Variants in NRG3 observed in about 807,000 individuals in gnomAD.
NRG3 encodes the protein pro-neuregulin-3, membrane-bound isoform.
In NRG3, 31 loss-of-function variants were observed where a neutral mutation model predicts 66.9. The ratio of observed to expected loss-of-function variants is 0.46; its 90% CI spans 0.35 to 0.63. The LOEUF (loss-of-function observed/expected upper bound fraction) is 0.63. Among genes scored for constraint, NRG3 ranks in the 20% least tolerant of loss-of-function variants. NRG3 has a pLI of 0.00. For missense variants in NRG3, 910 were observed against 878.9 expected (o/e 1.04, Z -0.45); for synonymous variants, 393 against 359.4 (o/e 1.09, Z -1.06).
At chr10:82,267,651 C>T (rs565269528) in intron 1 of NRG3, among the ~76,000 whole-genome samples, 18 of 152,286 alleles carry the variant, frequency 1.2e-4, no homozygotes, top group Admixed American at 1.1e-3. Flanking sequence ...AGAAATAAAC[C>T]ACAATTTGCT....
At chr10:82,858,746 T>G (rs1020720217) in intron 3 of NRG3, among the ~76,000 whole-genome samples, 1 of 152,140 alleles carries the variant, frequency 6.6e-6, no homozygotes, top group Non-Finnish European at 1.5e-5. Flanking sequence ...TGCTCCACAT[T>G]CCTATGGCAA....
At chr10:82,513,694 C>A (rs1222894632) in intron 2 of NRG3, among the ~76,000 whole-genome samples, 4 of 152,190 alleles carry the variant, frequency 2.6e-5, no homozygotes, top group Non-Finnish European at 5.9e-5. Flanking sequence ...GCAGGAGAAT[C>A]ACTTGAACCC....
At chr10:82,641,010 G>A (rs1485872565) in intron 2 of NRG3, among the ~76,000 whole-genome samples, 1 of 15,752 alleles carries the variant, frequency 6.3e-5, no homozygotes, top group Non-Finnish European at 1.3e-4. Context: ...TCAGTCTGTC[G>A]TTTTTTTTTT....
At chr10:82,176,779 G>A (rs1161785645) in intron 1 of NRG3, among the ~76,000 whole-genome samples, 2 of 151,938 alleles carry the variant, frequency 1.3e-5, no homozygotes, top group African/African-American at 4.8e-5. Context: ...CACAGCTGGT[G>A]GCACTGCTAC....
chr10:82,463,187 T>C (rs369343837), intron 2 of NRG3, among the ~76,000 whole-genome samples: 1 of 152,206 alleles, frequency 6.6e-6, no homozygotes, highest in African/African-American at 2.4e-5. Context: ...TTTAGACAGA[T>C]GGCAGGCGGT....
intron 2 of NRG3, among the ~76,000 whole-genome samples, chr10:82,458,180 A>G (rs1201031549): frequency 3.3e-5 from 5 of 152,090 alleles, no homozygotes; most frequent in African/African-American, 9.7e-5. Context: ...ATGATTCCCA[A>G]CCCAACCAGG....
intron 1 of NRG3, among the ~76,000 whole-genome samples, chr10:81,997,644 G>A (rs949118001): frequency 1.3e-5 from 2 of 152,056 alleles, no homozygotes; most frequent in Non-Finnish European, 1.5e-5. Flanking sequence ...GTGATAATAT[G>A]CATGTCACAG....
At chr10:82,525,274 A>G (rs1246616643) in intron 2 of NRG3, among the ~76,000 whole-genome samples, 1 of 150,858 alleles carries the variant, frequency 6.6e-6, no homozygotes, top group East Asian at 2.1e-4. Flanking sequence ...TTTACTCTGG[A>G]AAAAAAAATC....
At chr10:82,236,835 C>T (rs1188777809) in intron 1 of NRG3, among the ~76,000 whole-genome samples, 1 of 151,122 alleles carries the variant, frequency 6.6e-6, no homozygotes, top group Non-Finnish European at 1.5e-5. Context: ...CTTGCCTCAG[C>T]CTCCTGAGTA....
intron 2 of NRG3, among the ~76,000 whole-genome samples, chr10:82,491,253 T>C (rs554651272): frequency 4.2e-5 from 6 of 144,192 alleles, no homozygotes; most frequent in African/African-American, 1.6e-4. Context: ...GCCTGCCATC[T>C]TATTTTGTCC....
chr10:82,069,131 C>T (rs2064657824), intron 1 of NRG3, among the ~76,000 whole-genome samples: 1 of 152,114 alleles, frequency 6.6e-6, no homozygotes, highest in Non-Finnish European at 1.5e-5. Context: ...GTCTTCAGAA[C>T]CACAGAGCAT....
chr10:82,741,094 A>G (rs984243002), intron 3 of NRG3, among the ~76,000 whole-genome samples: 2 of 152,158 alleles, frequency 1.3e-5, no homozygotes, highest in Non-Finnish European at 2.9e-5. Flanking sequence ...AAGCATGGAG[A>G]GCCCATGGAT....
At chr10:82,108,444 A>C in intron 1 of NRG3, among the ~76,000 whole-genome samples, 1 of 152,182 alleles carries the variant, frequency 6.6e-6, no homozygotes, top group Non-Finnish European at 1.5e-5. Context: ...GAGGAGCTGG[A>C]GATAAATGGA....
chr10:82,614,254 T>A (rs2048498566), intron 2 of NRG3, among the ~76,000 whole-genome samples: 1 of 152,168 alleles, frequency 6.6e-6, no homozygotes, highest in Non-Finnish European at 1.5e-5. Context: ...GCACTCATAT[T>A]TCATGGGAGG....
Position 82,674,348 on chromosome 10 carries a change from A to C in NRG3, c.954-64229A>C, listed in dbSNP as rs186559644. Among the ~76,000 whole-genome samples, 164 of 152,290 alleles carry C rather than the reference A, an allele frequency of 1.1e-3. 1 individual carries two copies. Among genetic ancestry groups the C allele is most frequent in the Non-Finnish European group, 1.3e-3 (86 of 68,024 alleles). On this transcript the variant is annotated intron_variant, in intron 2 of 8. Coordinates refer to ENST00000372141, the MANE Select transcript of NRG3 (RefSeq NM_001010848.4). ...CATATTGCCTCATTTTTGTTCAAAAACAACAATGGCTCTCAGTTGTCAGGG... is the reference window on the plus strand; with the variant it reads ...CATATTGCCTCATTTTTGTTCAAAACCAACAATGGCTCTCAGTTGTCAGGG...
intron 1 of NRG3, among the ~76,000 whole-genome samples, chr10:81,946,361 G>A (rs1848840613): frequency 6.6e-6 from 1 of 152,130 alleles, no homozygotes; most frequent in Admixed American, 6.6e-5. Flanking sequence ...AAGTCCTGCT[G>A]TTTAAGCCAC....
At chr10:82,516,497 C>G (rs1845673966) in intron 2 of NRG3, among the ~76,000 whole-genome samples, 2 of 152,020 alleles carry the variant, frequency 1.3e-5, no homozygotes, top group Non-Finnish European at 2.9e-5. Flanking sequence ...CTATCATCCA[C>G]ACACACACAA....
At chr10:82,202,529 A>G (rs879900078) in intron 1 of NRG3, among the ~76,000 whole-genome samples, 1 of 152,224 alleles carries the variant, frequency 6.6e-6, no homozygotes, top group African/African-American at 2.4e-5. Flanking sequence ...AATAAGTGCT[A>G]CTGAGTAAAC....
At chr10:82,083,203 A>G (rs2065496743) in intron 1 of NRG3, among the ~76,000 whole-genome samples, 1 of 152,094 alleles carries the variant, frequency 6.6e-6, no homozygotes, top group African/African-American at 2.4e-5. Flanking sequence ...CCAGTCTTTG[A>G]AGAGTGTTTG....
Sources: allele counts gnomAD v4.1 joint callset (sites outside exome capture counted in the v4.1 genomes callset), GRCh38; gene constraint gnomAD v4.1.1; transcripts MANE v1.5; gene names NCBI Gene and HGNC (gene_info 2026-07-23, HGNC 2026-07-21).